The following NTNG1 variants were observed in gnomAD, a reference collection of about 807,000 sequenced individuals.
The protein encoded by NTNG1 is netrin-G1.
A neutral mutation model predicts 54.0 loss-of-function variants in NTNG1; 16 were observed. That is an observed-to-expected ratio of 0.30 (90% CI 0.20 to 0.45). The LOEUF is 0.45. Among genes scored for constraint, NTNG1 ranks in the 20% least tolerant of loss-of-function variants. The probability of loss-of-function intolerance (pLI) is 1.00; values close to 1 mark genes in which losing one functional copy is unlikely to be tolerated. For synonymous variants in NTNG1, 255 were observed against 263.1 expected, an observed-to-expected ratio of 0.97 and a Z score of 0.30; for missense variants, 530 against 678.7, an observed-to-expected ratio of 0.78 and a Z score of 2.43.
At chr1:107,369,443 A>C (rs1670789980) in intron 3 of NTNG1, among the ~76,000 whole-genome samples, 1 of 152,112 alleles carries the variant, frequency 6.6e-6, no homozygotes, top group Non-Finnish European at 1.5e-5. Context: ...TAGACACTTT[A>C]GTAGGTGTGT....
At chr1:107,218,579 A>G (rs886859834) in intron 2 of NTNG1, among the ~76,000 whole-genome samples, 4 of 150,174 alleles carry the variant, frequency 2.7e-5, no homozygotes, top group African/African-American at 4.9e-5. Context: ...AGGAGATTCT[A>G]TTTTGGTGTA....
chr1:107,234,331 C>T (rs948981700), intron 2 of NTNG1, among the ~76,000 whole-genome samples: 6 of 152,236 alleles, frequency 3.9e-5, no homozygotes, highest in Admixed American at 3.9e-4. Flanking sequence ...CCATATTGGC[C>T]AAGCTGGTCT....
chr1:107,425,171 A>G (rs1405275664), intron 5 of NTNG1, among the ~76,000 whole-genome samples: 1 of 147,016 alleles, frequency 6.8e-6, no homozygotes, highest in Non-Finnish European at 1.5e-5. Flanking sequence ...GAGCATGAAG[A>G]GATGAAAAGT....
Position 107,480,883 on chromosome 1 carries a change from AGC to A in NTNG1, c.*44_*45del, listed in dbSNP as rs1452203880. 10 of 1,441,338 alleles carry A rather than the reference AGC, an allele frequency of 6.9e-6. No homozygotes were observed. The highest frequency in any genetic ancestry group is 3.8e-6 in the Non-Finnish European group (4 of 1,051,244). 89.3% of individuals were successfully genotyped at this position (1,441,338 alleles called of 1,614,324 possible). On this transcript the variant is annotated 3_prime_UTR_variant, in exon 8 of 8. Transcript: ENST00000370068. ...ACCGGACGGGCCTGTGCCGTGGGGA[AGC>A]AGACACAACCCAAACATTTGCTACT...
At chr1:107,352,263 C>G (rs974867567) in intron 3 of NTNG1, among the ~76,000 whole-genome samples, 1 of 152,230 alleles carries the variant, frequency 6.6e-6, no homozygotes, top group African/African-American at 2.4e-5. Context: ...CCCCACATTT[C>G]CCCTCTGCAC....
intron 5 of NTNG1, among the ~76,000 whole-genome samples, chr1:107,419,239 C>CCTCTCTCTCTCTCT (rs147796224): frequency 1.3e-5 from 2 of 148,188 alleles, no homozygotes; most frequent in South Asian, 4.3e-4. Flanking sequence ...CCTCCTCCCT[C>CCTCTCTCTCTCTCT]CTCTCTCTCT....
At chr1:107,176,315 C>T (rs1311843746) in intron 2 of NTNG1, among the ~76,000 whole-genome samples, 3 of 152,090 alleles carry the variant, frequency 2.0e-5, no homozygotes, top group Non-Finnish European at 4.4e-5. Flanking sequence ...TTGTTTATTT[C>T]TGAAATTAAA....
At position 107,148,675 on chromosome 1, in the gene NTNG1, G is replaced by A; in HGVS notation, c.82G>A (p.Gly28Arg). The change falls in exon 2 of 8, where the codon GGA (glycine) becomes AGA (arginine). Residue 28 changes from glycine to arginine, a missense_variant. Physicochemically the swap from Gly to Arg is moderately radical, Grantham distance 125. This residue lies in a region of NTNG1 where 318 missense variants were observed against 465.1 expected (regional missense o/e 0.68). Transcript: ENST00000370068. ...SVMQPYPLVW[G>R]HYDLCKTQIY... ...GATGCAGCCCTACCCTTTGGTTTGG[G>A]GACATTATGATTTGTGTAAGACTCA... 6.2e-7 allele frequency: 1 copy of A among 1,613,606 alleles called. No homozygotes were observed. The highest frequency in any genetic ancestry group is 8.5e-7 in the Non-Finnish European group (1 of 1,179,690).
chr1:107,441,446 G>A (rs1675959799), intron 7 of NTNG1, among the ~76,000 whole-genome samples: 1 of 152,168 alleles, frequency 6.6e-6, no homozygotes. Flanking sequence ...AAGATTTGGT[G>A]ATATCAGTTA....
intron 7 of NTNG1, among the ~76,000 whole-genome samples, chr1:107,461,986 T>G (rs1558017440): frequency 1.3e-5 from 2 of 152,176 alleles, no homozygotes; most frequent in Admixed American, 6.5e-5. Context: ...ATTAGCAGGA[T>G]TACAGTAGAC....
intron 2 of NTNG1, among the ~76,000 whole-genome samples, chr1:107,210,742 A>G (rs1659544116): frequency 6.6e-6 from 1 of 152,162 alleles, no homozygotes; most frequent in Non-Finnish European, 1.5e-5. Context: ...TTCAAATTCT[A>G]ATCTCTCACC....
intron 2 of NTNG1, among the ~76,000 whole-genome samples, chr1:107,159,706 T>G (rs576887484): frequency 1.3e-5 from 2 of 152,316 alleles, no homozygotes; most frequent in African/African-American, 4.8e-5. Flanking sequence ...ATCAAATTTT[T>G]GATTTGGGCT....
chr1:107,165,222 AG>A (rs1165243538), intron 2 of NTNG1, among the ~76,000 whole-genome samples: 1 of 152,186 alleles, frequency 6.6e-6, no homozygotes, highest in African/African-American at 2.4e-5. Flanking sequence ...CAAGGGGCGA[AG>A]AGAACCAGGA....
Position 107,297,086 on chromosome 1 carries a change from G to GACACAC in NTNG1, c.247-27172_247-27167dup, listed in dbSNP as rs34213703. On this transcript the variant is annotated intron_variant, in intron 2 of 7. Coordinates refer to ENST00000370068, the MANE Select transcript of NTNG1 (RefSeq NM_001113226.3). ...TACTCTGGTTATCTTTACAGATGAG[G>GACACAC]ACACACACACACACACACACACACA... Among the ~76,000 whole-genome samples the GACACAC allele has an allele frequency of 5.1e-5, 7 of 137,402 alleles. No individual in the cohort carries two copies. In the East Asian group the frequency reaches 8.4e-4, roughly 17 times the overall value. 90.1% of individuals were successfully genotyped at this position (137,402 alleles called of 152,430 possible). A position where few individuals can be genotyped will look rare whatever the true frequency, so the allele number is the denominator to read the frequency against.
At chr1:107,371,790 A>G (rs1021705318) in intron 3 of NTNG1, among the ~76,000 whole-genome samples, 1 of 152,120 alleles carries the variant, frequency 6.6e-6, no homozygotes, top group Non-Finnish European at 1.5e-5. Flanking sequence ...AAACAAGACA[A>G]GATCTTTACA....
chr1:107,189,834 G>T (rs546042580), intron 2 of NTNG1, among the ~76,000 whole-genome samples: 31 of 146,164 alleles, frequency 2.1e-4, no homozygotes, highest in African/African-American at 6.9e-4. Flanking sequence ...AAAAAAAAAG[G>T]GGGGGGCCTT....
intron 3 of NTNG1, among the ~76,000 whole-genome samples, chr1:107,366,122 T>C (rs1005484147): frequency 1.3e-5 from 2 of 152,080 alleles, no homozygotes; most frequent in East Asian, 1.9e-4. Context: ...TGGGGGAACA[T>C]AGCAGAGAGT....
At chr1:107,167,611 C>T (rs2101077584) in intron 2 of NTNG1, among the ~76,000 whole-genome samples, 1 of 151,814 alleles carries the variant, frequency 6.6e-6, no homozygotes, top group East Asian at 1.9e-4. Flanking sequence ...AAATGACTTG[C>T]CATAAGTCAC....
At chr1:107,435,764 A>T (rs1328239589) in intron 6 of NTNG1, among the ~76,000 whole-genome samples, 1 of 152,160 alleles carries the variant, frequency 6.6e-6, no homozygotes, top group Non-Finnish European at 1.5e-5. Flanking sequence ...CTTCCTCAAA[A>T]GTATTAGAAG....
Sources: gnomAD v4.1 joint callset for allele counts (sites outside exome capture counted in the v4.1 genomes callset) on GRCh38, gnomAD v4.1.1 for gene constraint, gnomAD v4.1.1 regional missense constraint, MANE v1.5 for transcripts, NCBI Gene and HGNC (gene_info 2026-07-23, HGNC 2026-07-21) for gene names.